SLC24A1: variants seen among roughly 807,000 people sequenced by gnomAD.
SLC24A1 encodes the protein sodium/potassium/calcium exchanger 1.
SLC24A1 carries 52 observed loss-of-function variants against 88.1 expected under a neutral mutation model. The observed-to-expected ratio is 0.59, with a 90% CI of 0.47 to 0.74. The LOEUF is 0.74. Ranked by LOEUF, SLC24A1 falls within the 30% of genes least tolerant of loss-of-function variation. The pLI is 0.00. For missense variants in SLC24A1, 1,173 were observed against 1,363.3 expected (o/e 0.86, Z 2.20); for synonymous variants, 455 against 498.0 (o/e 0.91, Z 1.15).
intron 2 of SLC24A1, among the ~76,000 whole-genome samples, chr15:65,616,736 C>G (rs986197816): frequency 2.6e-5 from 4 of 152,060 alleles, no homozygotes; most frequent in African/African-American, 7.2e-5. Flanking sequence ...TTAATTAGAT[C>G]CCATTTGTCT....
chr15:65,655,140 G>T lies in SLC24A1; in HGVS notation c.*1061G>T. The T allele has an allele frequency of 1.0e-6, 1 of 994,794 alleles. No homozygotes were observed. The highest frequency in any genetic ancestry group is 1.2e-6 in the Non-Finnish European group (1 of 835,768). 61.6% of individuals were successfully genotyped at this position (994,794 alleles called of 1,614,324 possible). A position where few individuals can be genotyped will look rare whatever the true frequency, so the allele number is the denominator to read the frequency against. On this transcript the variant is annotated 3_prime_UTR_variant, in exon 10 of 10. Coordinates refer to ENST00000261892, the MANE Select transcript of SLC24A1 (RefSeq NM_004727.3). ...CCTTGAGGGATTAGACATTCTAATG[G>T]AATGTCCTGGCTCCACCCTCCAGCA...
intron 1 of SLC24A1, chr15:65,611,838 A>G (rs2073961623): frequency 6.6e-6 from 1 of 152,280 alleles, no homozygotes; most frequent in Admixed American, 6.5e-5. Context: ...AATCCCAGCT[A>G]CTTGGGAGGC....
At chr15:65,636,052 T>C (rs1022278612) in intron 2 of SLC24A1, among the ~76,000 whole-genome samples, 1 of 151,734 alleles carries the variant, frequency 6.6e-6, no homozygotes, top group Non-Finnish European at 1.5e-5. Context: ...AAGAAGGGAG[T>C]GTAGCAAGTT....
chr15:65,654,258 T>C lies in SLC24A1; in HGVS notation c.*179T>C. 4 of 1,406,028 alleles carry C rather than the reference T, an allele frequency of 2.8e-6. No homozygotes were observed. The highest frequency in any genetic ancestry group is 3.7e-6 in the Non-Finnish European group (4 of 1,086,264). The allele number at this position is 1,406,028 out of a possible 1,614,324, so 87.1% of individuals were successfully genotyped here. A position where few individuals can be genotyped will look rare whatever the true frequency, so the allele number is the denominator to read the frequency against. ...TGTCCTTGGAAACACCTGCAGCTCA[T>C]TGTGGATTAAGAACCTCACCCCTGG... On this transcript the variant is annotated 3_prime_UTR_variant, in exon 10 of 10. Coordinates refer to ENST00000261892, the MANE Select transcript of SLC24A1 (RefSeq NM_004727.3).
chr15:65,634,740 C>CAAAAAAAAAA (rs5813364), intron 2 of SLC24A1, among the ~76,000 whole-genome samples: 10 of 90,502 alleles, frequency 1.1e-4, no homozygotes, highest in East Asian at 3.0e-4. Flanking sequence ...TCAAAAGCAC[C>CAAAAAAAAAA]AAAAAAAAAA....
chr15:65,645,746 G>C (rs767838590), intron 6 of SLC24A1, 43 bp downstream of exon 6: 2 of 1,399,160 alleles, frequency 1.4e-6, no homozygotes, highest in Admixed American at 2.0e-5. Context: ...GAGAGGTCTA[G>C]GGAAGGAACT....
In SLC24A1 at chr15:65,639,589, G is replaced by T; in HGVS notation, c.1945-6G>T. ...GGGCCCACTGTGCGGCTCTCCTCTT[G>T]CTCAGCTCCCGTCCTTGCTGACCCG... On this transcript the variant is annotated splice_polypyrimidine_tract_variant and splice_region_variant and intron_variant, in intron 3 of 9. Transcript: ENST00000261892. 1 of 1,597,754 alleles carries T rather than the reference G, an allele frequency of 6.3e-7. No individual in the cohort carries two copies. The highest frequency in any genetic ancestry group is 1.7e-4 in the Middle Eastern group (1 of 6,042).
At chr15:65,621,903 C>A (rs1268905904), upstream of SLC24A1, 4 of 152,230 alleles carry the variant, frequency 2.6e-5, no homozygotes, top group Non-Finnish European at 4.4e-5. Flanking sequence ...TGGGTATTAG[C>A]CACGATCGGA....
rs1380521451 is a variant in SLC24A1 at position 65,654,682 on chromosome 15, G to C, written c.*603G>C. On this transcript the variant is annotated 3_prime_UTR_variant, in exon 10 of 10. Transcript: ENST00000261892. ...ATCATTCCACGTTTTGTAGCCCACT[G>C]CATCTGGATATATACCAGTATTTTC... The C allele has an allele frequency of 7.1e-6, 9 of 1,271,508 alleles. No homozygotes were observed. The Admixed American group carries it at 2.0e-4, about 28-fold the overall frequency. The allele number at this position is 1,271,508 out of a possible 1,614,324, so 78.8% of individuals were successfully genotyped here.
chr15:65,655,865 C>T lies in SLC24A1; in HGVS notation c.*1786C>T. 1.0e-6 allele frequency: 1 copy of T among 985,194 alleles called. No individual in the cohort carries two copies. Among genetic ancestry groups the T allele is most frequent in the African/African-American group, 1.7e-5 (1 of 57,342 alleles). The allele number at this position is 985,194 out of a possible 1,614,324, so 61.0% of individuals were successfully genotyped here. A position where few individuals can be genotyped will look rare whatever the true frequency, so the allele number is the denominator to read the frequency against. On this transcript the variant is annotated 3_prime_UTR_variant, in exon 10 of 10. Coordinates refer to ENST00000261892, the MANE Select transcript of SLC24A1 (RefSeq NM_004727.3). ...AACTGTGAATCCCAATGGTATTTTA[C>T]TTTACAACATGGATGGGCTCATCCT...
Position 65,656,105 on chromosome 15 carries a change from C to T in SLC24A1, c.*2026C>T, listed in dbSNP as rs2075675001. 1.1e-5 allele frequency: 11 copies of T among 985,438 alleles called. No individual in the cohort carries two copies. The highest frequency in any genetic ancestry group is 1.2e-5 in the Non-Finnish European group (10 of 829,948). The allele number at this position is 985,438 out of a possible 1,614,324, so 61.0% of individuals were successfully genotyped here. ...GGGCACTAACCTGGTGTCTGCAGCC[C>T]GTTCCCGTTAGCCTCGGGGATGTCA... On this transcript the variant is annotated 3_prime_UTR_variant, in exon 10 of 10. Transcript: ENST00000261892.
At chr15:65,642,888 T>C in intron 4 of SLC24A1, 1 of 737,690 alleles carries the variant, frequency 1.4e-6, no homozygotes, top group Non-Finnish European at 2.0e-6. Flanking sequence ...CAGATTGCAC[T>C]TTCCAGCTTC....
intron 8 of SLC24A1, 40 bp downstream of exon 8, chr15:65,651,799 C>T (rs1235286033): frequency 1.0e-5 from 10 of 1,002,576 alleles, no homozygotes; most frequent in Non-Finnish European, 1.6e-5. Context: ...ACCAGCAGGT[C>T]CCAACGACAC....
intron 2 of SLC24A1, among the ~76,000 whole-genome samples, chr15:65,614,250 C>T (rs2074065149): frequency 6.6e-6 from 1 of 152,158 alleles, no homozygotes; most frequent in African/African-American, 2.4e-5. Context: ...ATGGAGATCC[C>T]TGATAGCATA....
chr15:65,652,807 G>C lies in SLC24A1; in HGVS notation c.3049G>C (p.Gly1017Arg). The C allele has an allele frequency of 6.3e-7, 1 of 1,594,980 alleles. No homozygotes were observed. Among genetic ancestry groups the C allele is most frequent in the Non-Finnish European group, 8.6e-7 (1 of 1,166,120 alleles). ...VGSNIFDITV[G>R]LPVPWLLFSL... ...CAGTAACATATTTGATATCACTGTGGGGTGAGTGGCAATGTAACTTTCTAA... is the reference window on the plus strand; with the variant it reads ...CAGTAACATATTTGATATCACTGTGCGGTGAGTGGCAATGTAACTTTCTAA... The change falls in exon 9 of 10, where the codon GGC becomes CGC. Residue 1017 changes from glycine to arginine, a missense_variant and splice_region_variant. By Grantham distance (125) the Gly-to-Arg change is moderately radical (BLOSUM62 -2). Coordinates refer to ENST00000261892, the MANE Select transcript of SLC24A1 (RefSeq NM_004727.3).
At chr15:65,644,872 C>T (rs1378320691) in intron 5 of SLC24A1, among the ~76,000 whole-genome samples, 1 of 152,200 alleles carries the variant, frequency 6.6e-6, no homozygotes, top group African/African-American at 2.4e-5. Context: ...TTTCTTCTTC[C>T]TGTCTCTTCT....
downstream of SLC24A1, among the ~76,000 whole-genome samples, chr15:65,656,988 G>A (rs1431691447): frequency 1.3e-5 from 2 of 152,110 alleles, no homozygotes; most frequent in East Asian, 1.9e-4. Context: ...TCCCGCCTCA[G>A]CCCCCCAAGT....
Position 65,625,256 on chromosome 15 carries a change from T to C in SLC24A1, c.1176T>C (p.His392=). 6.2e-7 allele frequency: 1 copy of C among 1,613,918 alleles called. No homozygotes were observed. The highest frequency in any genetic ancestry group is 8.5e-7 in the Non-Finnish European group (1 of 1,179,862). Reference sequence around the variant, plus strand: ...GGGCAAAGCTGACCATGCAGGTCCATCACTGTGTGGTTGTGAAGCCAACCC... The same window carrying C: ...GGGCAAAGCTGACCATGCAGGTCCACCACTGTGTGGTTGTGAAGCCAACCC... The part of the protein sequence containing the change: ...TVRAKLTMQV[H]HCVVVKPTPA... The change falls in exon 2 of 10, where the codon CAT becomes CAC. Residue 392 remains histidine (H), a synonymous_variant. Transcript: ENST00000261892.
chr15:65,643,706 G>A lies in SLC24A1; in HGVS notation c.2054-721G>A, dbSNP rs553139039. Reference sequence around the variant, plus strand: ...TGTTTCTCACCTGGAAATCAGGGCAGCACAATTCTGTGCATGCTGCCCTGT... The same window carrying A: ...TGTTTCTCACCTGGAAATCAGGGCAACACAATTCTGTGCATGCTGCCCTGT... On this transcript the variant is annotated intron_variant, in intron 4 of 9. Transcript: ENST00000261892. Among the ~76,000 whole-genome samples the A allele has an allele frequency of 5.3e-5, 8 of 152,342 alleles. No individual in the cohort carries two copies. The South Asian group carries it at 1.7e-3, about 32-fold the overall frequency.
Sources: allele counts gnomAD v4.1 joint callset (sites outside exome capture counted in the v4.1 genomes callset), GRCh38; gene constraint gnomAD v4.1.1; transcripts MANE v1.5; gene names NCBI Gene and HGNC (gene_info 2026-07-23, HGNC 2026-07-21).